TDRD3: variants seen among roughly 807,000 people sequenced by gnomAD.
TDRD3 encodes tudor domain-containing protein 3.
Under a neutral mutation model 86.7 loss-of-function variants are expected in TDRD3, and 45 were observed. That is an observed-to-expected ratio of 0.52 (90% CI 0.41 to 0.67). The LOEUF (loss-of-function observed/expected upper bound fraction) is 0.67. TDRD3 is among the 30% of genes least tolerant of loss of function. TDRD3 has a pLI of 0.00. For synonymous variants in TDRD3, 298 were observed against 301.7 expected (o/e 0.99, Z 0.13); for missense variants, 814 against 889.0 (o/e 0.92, Z 1.07).
upstream of TDRD3, chr13:60,397,096 A>G (rs542699197): frequency 5.6e-6 from 2 of 354,046 alleles, no homozygotes; most frequent in African/African-American, 2.1e-5. Flanking sequence ...GACTCCAGCC[A>G]CCAGCCGGTG....
chr13:60,426,734 A>G (rs1420237050), intron 1 of TDRD3, among the ~76,000 whole-genome samples: 1 of 152,220 alleles, frequency 6.6e-6, no homozygotes, highest in East Asian at 1.9e-4. Context: ...CCAAGGGACA[A>G]ATGGTTTCAC....
At chr13:60,403,644 A>T (rs1954158520) in intron 1 of TDRD3, among the ~76,000 whole-genome samples, 1 of 152,206 alleles carries the variant, frequency 6.6e-6, no homozygotes, top group African/African-American at 2.4e-5. Flanking sequence ...AATCAAAGAC[A>T]CTGATAGCAG....
rs768257900 is a variant in TDRD3 at position 60,494,559 on chromosome 13, G to A, written c.842G>A (p.Gly281Asp). The A allele has an allele frequency of 1.2e-6, 2 of 1,613,584 alleles. No individual in the cohort carries two copies. Among genetic ancestry groups the A allele is most frequent in the Admixed American group, 1.7e-5 (1 of 60,012 alleles). Residue 281 changes from glycine to aspartate, a missense_variant, in exon 8 of 14, where the codon GGT becomes GAT. By Grantham distance (94) the Gly-to-Asp change is moderately conservative. Coordinates refer to ENST00000377881, the MANE Select transcript of TDRD3 (RefSeq NM_001146070.2). ...KSTKSEGKHE[G>D]VYRELVDEKA... ...ACCAAATCAGAGGGAAAACATGAAGGTGTCTATAGAGAACTGGTAAGGCTA... is the reference window on the plus strand; with the variant it reads ...ACCAAATCAGAGGGAAAACATGAAGATGTCTATAGAGAACTGGTAAGGCTA...
chr13:60,410,800 T>G (rs962932924), intron 1 of TDRD3, among the ~76,000 whole-genome samples: 1 of 152,176 alleles, frequency 6.6e-6, no homozygotes, highest in African/African-American at 2.4e-5. Context: ...ACGTTTTCCC[T>G]TATTTTGGTT....
intron 3 of TDRD3, among the ~76,000 whole-genome samples, chr13:60,454,258 T>C (rs1245917803): frequency 1.3e-5 from 2 of 152,212 alleles, no homozygotes; most frequent in Non-Finnish European, 1.5e-5. Flanking sequence ...AAATGTCACA[T>C]GTATGCTTGA....
intron 4 of TDRD3, 73 bp downstream of exon 4, chr13:60,460,613 T>C (rs1955782002): frequency 3.6e-6 from 5 of 1,379,346 alleles, no homozygotes; most frequent in Non-Finnish European, 4.8e-6. Flanking sequence ...AACTTAAGAA[T>C]TTTGAAAAGT....
chr13:60,397,611 G>A (rs997623595), intron 1 of TDRD3, among the ~76,000 whole-genome samples: 6 of 146,426 alleles, frequency 4.1e-5, no homozygotes, highest in African/African-American at 1.5e-4. Flanking sequence ...GGCGGCGGCG[G>A]CGGCGGCCTG....
intron 3 of TDRD3, among the ~76,000 whole-genome samples, chr13:60,455,105 G>A (rs1054862235): frequency 1.3e-5 from 2 of 152,080 alleles, no homozygotes; most frequent in Admixed American, 6.5e-5. Context: ...TAGAGACGGG[G>A]TTTCACCATG....
intron 1 of TDRD3, among the ~76,000 whole-genome samples, chr13:60,406,430 T>C (rs1268434557): frequency 6.6e-6 from 1 of 152,240 alleles, no homozygotes; most frequent in Non-Finnish European, 1.5e-5. Flanking sequence ...TATATTTTGT[T>C]AAAATAATTA....
At chr13:60,501,637 G>A (rs1461402882) in intron 8 of TDRD3, among the ~76,000 whole-genome samples, 1 of 152,040 alleles carries the variant, frequency 6.6e-6, no homozygotes, top group Admixed American at 6.6e-5. Flanking sequence ...TTCTTTTTAG[G>A]ACAAGTGTTT....
At chr13:60,474,440 T>A (rs941110926) in intron 5 of TDRD3, among the ~76,000 whole-genome samples, 2 of 152,134 alleles carry the variant, frequency 1.3e-5, no homozygotes, top group Non-Finnish European at 2.9e-5. Flanking sequence ...CATACTCTCA[T>A]CTCCACACAC....
chr13:60,506,525 C>T (rs912376101), intron 8 of TDRD3, among the ~76,000 whole-genome samples: 5 of 152,094 alleles, frequency 3.3e-5, no homozygotes, highest in African/African-American at 9.7e-5. Flanking sequence ...GTGGGCGGAT[C>T]GCAAGGTCAG....
intron 11 of TDRD3, among the ~76,000 whole-genome samples, chr13:60,532,436 GAA>G (rs1957604916): frequency 6.6e-6 from 1 of 152,160 alleles, no homozygotes; most frequent in Non-Finnish European, 1.5e-5. Flanking sequence ...TTAATCTTCT[GAA>G]ACCACAAATT....
chr13:60,441,607 A>C (rs895112195), intron 2 of TDRD3, among the ~76,000 whole-genome samples: 3 of 152,172 alleles, frequency 2.0e-5, no homozygotes, highest in African/African-American at 7.2e-5. Context: ...ATTTTTTTCA[A>C]CTTTTGAGTG....
At chr13:60,555,911 C>T (rs890394251) in intron 12 of TDRD3, among the ~76,000 whole-genome samples, 12 of 143,216 alleles carry the variant, frequency 8.4e-5, no homozygotes, top group East Asian at 2.0e-4. Context: ...AGTGCAGTGG[C>T]GCGATCTCGG....
chr13:60,420,901 G>A (rs112238294), intron 1 of TDRD3, among the ~76,000 whole-genome samples: 1,725 of 152,212 alleles, frequency 0.011, 44 homozygotes, highest in African/African-American at 0.039. Context: ...CCGAGATCAC[G>A]TCACTGTGCT....
At chr13:60,471,939 C>T (rs1368692415) in intron 5 of TDRD3, among the ~76,000 whole-genome samples, 2 of 152,080 alleles carry the variant, frequency 1.3e-5, no homozygotes, top group Non-Finnish European at 2.9e-5. Context: ...ACATCCTTCT[C>T]TTGTTCTTGA....
chr13:60,502,944 T>C (rs1232075158), intron 8 of TDRD3, among the ~76,000 whole-genome samples: 2 of 152,110 alleles, frequency 1.3e-5, no homozygotes, highest in Non-Finnish European at 2.9e-5. Context: ...AACTTAAGAG[T>C]ACTCAGAGAT....
intron 3 of TDRD3, among the ~76,000 whole-genome samples, chr13:60,458,083 GATTA>G (rs1206806764): frequency 6.6e-6 from 1 of 152,166 alleles, no homozygotes; most frequent in African/African-American, 2.4e-5. Context: ...CCAGGAGTTG[GATTA>G]ATTAAATAAG....
Sources: allele counts gnomAD v4.1 joint callset (sites outside exome capture counted in the v4.1 genomes callset), GRCh38; gene constraint gnomAD v4.1.1; transcripts MANE v1.5; gene names NCBI Gene and HGNC (gene_info 2026-07-23, HGNC 2026-07-21).